PPP1R13B: variants seen among roughly 807,000 people sequenced by gnomAD.
PPP1R13B encodes apoptosis-stimulating of p53 protein 1.
PPP1R13B carries 44 observed loss-of-function variants against 119.8 expected under a neutral mutation model. That is an observed-to-expected ratio of 0.37 (90% CI 0.29 to 0.47). The LOEUF is 0.47. Ranked by LOEUF, PPP1R13B falls within the 20% of genes least tolerant of loss-of-function variation. The pLI is 0.99. For missense variants in PPP1R13B, 1,227 were observed against 1,413.5 expected (o/e 0.87, Z 2.12); for synonymous variants, 542 against 561.5 (o/e 0.97, Z 0.49).
Position 103,753,122 on chromosome 14 carries a change from C to T in PPP1R13B, c.706G>A (p.Asp236Asn). The T allele has an allele frequency of 6.2e-7, 1 of 1,613,906 alleles. No homozygotes were observed. Among genetic ancestry groups the T allele is most frequent in the Non-Finnish European group, 8.5e-7 (1 of 1,180,038 alleles). Reference sequence around the variant, plus strand: ...TCTTCCAATTGCTGACTAAGCTGATCAACCCTTAAAATTGCAGTCTGTACT... The same window carrying T: ...TCTTCCAATTGCTGACTAAGCTGATTAACCCTTAAAATTGCAGTCTGTACT... ...QEVQTAILRV[D>N]QLSQQLEDLK... is the part of the protein sequence containing the mutation. Residue 236 changes from aspartate (D) to asparagine (N), a missense_variant, in exon 7 of 17, where the codon GAT (aspartate) becomes AAT (asparagine). By Grantham distance (23) the Asp-to-Asn change is conservative. Transcript: ENST00000202556.
chr14:103,778,263 CTTTTTTTTTT>C (rs34674155), intron 4 of PPP1R13B, among the ~76,000 whole-genome samples: 1 of 99,502 alleles, frequency 1.0e-5, no homozygotes, highest in Non-Finnish European at 1.9e-5. Context: ...CCACATCTGA[CTTTTTTTTTT>C]TTTTTTTTTT....
intron 2 of PPP1R13B, among the ~76,000 whole-genome samples, chr14:103,792,688 C>T (rs2085652602): frequency 6.6e-6 from 1 of 151,920 alleles, no homozygotes; most frequent in Admixed American, 6.6e-5. Flanking sequence ...TGGAAGGATC[C>T]CTTGAGCCCA....
rs369720761 is a variant in PPP1R13B, at chr14:103,784,965, C to T, written c.158-51G>A. On this transcript the variant is annotated intron_variant, in intron 2 of 16. Coordinates refer to ENST00000202556, the MANE Select transcript of PPP1R13B (RefSeq NM_015316.3). ...ACTCCAGAATTAAAATGACTCCAAC[C>T]AAAAGTAAATTTTGTAAAAAACTTA... 1.1e-5 allele frequency: 16 copies of T among 1,471,436 alleles called. No homozygotes were observed. In the African/African-American group the frequency reaches 2.0e-4, roughly 18 times the overall value. 91.1% of individuals were successfully genotyped at this position (1,471,436 alleles called of 1,614,324 possible). A position where few individuals can be genotyped will look rare whatever the true frequency, so the allele number is the denominator to read the frequency against.
intron 1 of PPP1R13B, among the ~76,000 whole-genome samples, chr14:103,830,068 C>T (rs761772389): frequency 7.3e-5 from 11 of 150,762 alleles, no homozygotes; most frequent in African/African-American, 1.7e-4. Context: ...TGAGCCACCA[C>T]GCCTGGCCTG....
chr14:103,835,169 C>G (rs2086747166), intron 1 of PPP1R13B, among the ~76,000 whole-genome samples: 1 of 152,154 alleles, frequency 6.6e-6, no homozygotes, highest in Non-Finnish European at 1.5e-5. Flanking sequence ...CTCTGCCAGG[C>G]TGGAGTACAA....
rs187232519 is a variant in PPP1R13B at position 103,798,686 on chromosome 14, A to T, written c.10-1168T>A. ...TACATTATAGTGTATTTGAAAAAAT[A>T]AAAATCGTCTAGCCTTACTTTATTT... On this transcript the variant is annotated intron_variant, in intron 1 of 16. Transcript: ENST00000202556. Among the ~76,000 whole-genome samples the T allele has an allele frequency of 8.8e-4, 134 of 152,238 alleles. 3 individuals carry two copies. In the East Asian group the frequency reaches 0.02, roughly 23 times the overall value.
chr14:103,778,773 A>G lies in PPP1R13B; in HGVS notation c.326T>C (p.Val109Ala), dbSNP rs769622820. 1.2e-6 allele frequency: 2 copies of G among 1,614,028 alleles called. No individual in the cohort carries two copies. The highest frequency in any genetic ancestry group is 1.3e-5 in the African/African-American group (1 of 75,040). The change falls in exon 4 of 17, where the codon GTA becomes GCA. Residue 109 changes from valine to alanine, a missense_variant. Coordinates refer to ENST00000202556, the MANE Select transcript of PPP1R13B (RefSeq NM_015316.3). ...EQRTQRNVIN[V>A]PGEKRTENGV... ...ATTTTCAGTACGTTTTTCTCCAGGTACATTTATTACATTTCTCTGAGTTCG... is the reference window on the plus strand; with the variant it reads ...ATTTTCAGTACGTTTTTCTCCAGGTGCATTTATTACATTTCTCTGAGTTCG...
intron 1 of PPP1R13B, among the ~76,000 whole-genome samples, chr14:103,800,471 G>A (rs962707680): frequency 1.3e-5 from 2 of 152,030 alleles, no homozygotes; most frequent in Admixed American, 1.3e-4. Flanking sequence ...TGGCCAACAT[G>A]GCAAAACACT....
At chr14:103,794,636 T>A (rs1305817841) in intron 2 of PPP1R13B, 5 of 447,530 alleles carry the variant, frequency 1.1e-5, no homozygotes, top group South Asian at 7.9e-5. Context: ...CCAGGTGCAG[T>A]AAGTTTTATG....
rs764872594 is a variant in PPP1R13B, at chr14:103,735,083, G to A, written c.*71C>T. ...CCATTTTCTAGCTGCAGCTTTCCTG[G>A]AAAACAGCACAATAATCTCTTAAGT... On this transcript the variant is annotated 3_prime_UTR_variant, in exon 17 of 17. Transcript: ENST00000202556. The A allele has an allele frequency of 1.7e-5, 27 of 1,564,524 alleles. No individual in the cohort carries two copies. The African/African-American group carries it at 2.6e-4, about 15-fold the overall frequency.
intron 1 of PPP1R13B, among the ~76,000 whole-genome samples, chr14:103,802,705 C>T (rs1323875879): frequency 6.6e-6 from 1 of 152,088 alleles, no homozygotes; most frequent in Non-Finnish European, 1.5e-5. Context: ...GGTATGGCAG[C>T]ATTTTGGGGT....
intron 1 of PPP1R13B, among the ~76,000 whole-genome samples, chr14:103,818,247 T>C (rs2086325269): frequency 6.6e-6 from 1 of 152,224 alleles, no homozygotes; most frequent in Non-Finnish European, 1.5e-5. Flanking sequence ...CACTCTTTTA[T>C]GAATGTGGTT....
intron 1 of PPP1R13B, among the ~76,000 whole-genome samples, chr14:103,800,762 T>C (rs183321499): frequency 6.6e-6 from 1 of 152,352 alleles, no homozygotes; most frequent in African/African-American, 2.4e-5. Context: ...TCAGATTTTA[T>C]GTAACCAAAA....
Position 103,741,866 on chromosome 14 carries a change from C to T in PPP1R13B, c.1746G>A (p.Met582Ile), listed in dbSNP as rs775832777. Residue 582 changes from methionine (M) to isoleucine (I), a missense_variant, in exon 11 of 17, where the codon ATG becomes ATA. By Grantham distance (10) the Met-to-Ile change is conservative. Coordinates refer to ENST00000202556, the MANE Select transcript of PPP1R13B (RefSeq NM_015316.3). ...QTVNSSSIYSMYLQQATPPKN... is the reference protein window; with the variant it reads ...QTVNSSSIYSIYLQQATPPKN... ...TAGGTGGTGTGGCTTGCTGGAGGTA[C>T]ATGGAGTATATGGAACTTGAATTCA... 8 of 1,614,180 alleles carry T rather than the reference C, an allele frequency of 5.0e-6. No individual in the cohort carries two copies. Among genetic ancestry groups the T allele is most frequent in the Non-Finnish European group, 6.8e-6 (8 of 1,180,044 alleles).
intron 1 of PPP1R13B, among the ~76,000 whole-genome samples, chr14:103,837,871 C>A (rs1393991889): frequency 6.6e-6 from 1 of 152,070 alleles, no homozygotes; most frequent in East Asian, 1.9e-4. Context: ...GTAATCCCAG[C>A]ACTTTGGGAG....
intron 4 of PPP1R13B, among the ~76,000 whole-genome samples, chr14:103,765,786 T>C (rs943998229): frequency 3.3e-5 from 5 of 152,098 alleles, no homozygotes; most frequent in South Asian, 2.1e-4. Context: ...TCTCATACCA[T>C]TGTTTTGATA....
chr14:103,821,569 T>C (rs999343704), intron 1 of PPP1R13B, among the ~76,000 whole-genome samples: 7 of 152,080 alleles, frequency 4.6e-5, no homozygotes, highest in African/African-American at 1.7e-4. Context: ...CTAACCAACA[T>C]GGAGTAACCC....
intron 2 of PPP1R13B, among the ~76,000 whole-genome samples, chr14:103,795,898 C>CA (rs144183563): frequency 0.012 from 1,866 of 152,100 alleles, 38 homozygotes; most frequent in African/African-American, 0.042. Flanking sequence ...CAAGACCTTG[C>CA]AAAAAAATTG....
At chr14:103,765,835 CAGTACT>C (rs2084924451) in intron 4 of PPP1R13B, among the ~76,000 whole-genome samples, 1 of 152,008 alleles carries the variant, frequency 6.6e-6, no homozygotes, top group South Asian at 2.1e-4. Context: ...GGGAAGAACT[CAGTACT>C]TTTTAAAATG....
Sources: allele counts gnomAD v4.1 joint callset (sites outside exome capture counted in the v4.1 genomes callset), GRCh38; gene constraint gnomAD v4.1.1; transcripts MANE v1.5; gene names NCBI Gene and HGNC (gene_info 2026-07-23, HGNC 2026-07-21).